Variants in ARHGAP42 observed in about 807,000 individuals in gnomAD.
ARHGAP42 encodes the protein rho GTPase-activating protein 42.
Under a neutral mutation model 125.0 loss-of-function variants are expected in ARHGAP42, and 63 were observed. That is an observed-to-expected ratio of 0.50 (90% CI 0.41 to 0.62). The LOEUF is 0.62. Ranked by LOEUF, ARHGAP42 falls within the 20% of genes least tolerant of loss-of-function variation. ARHGAP42 has a pLI of 0.00. For synonymous variants in ARHGAP42, 339 were observed against 351.0 expected (o/e 0.97, Z 0.38); for missense variants, 766 against 1,024.2 (o/e 0.75, Z 3.44).
At chr11:100,723,093 G>A (rs751214332) in intron 1 of ARHGAP42, among the ~76,000 whole-genome samples, 4 of 152,026 alleles carry the variant, frequency 2.6e-5, no homozygotes, top group Non-Finnish European at 4.4e-5. Flanking sequence ...CTCCTTTGTC[G>A]AAGATCAGTT....
chr11:100,784,662 T>G (rs993632092), intron 2 of ARHGAP42, among the ~76,000 whole-genome samples: 2 of 151,262 alleles, frequency 1.3e-5, no homozygotes, highest in Non-Finnish European at 2.9e-5. Flanking sequence ...AAACTTGAGA[T>G]TCAAAAAAAA....
Position 100,974,616 on chromosome 11 carries a change from G to T in ARHGAP42, c.1855+13G>T, listed in dbSNP as rs201551423. 2.6e-6 allele frequency: 4 copies of T among 1,536,788 alleles called. No homozygotes were observed. In the South Asian group the frequency reaches 3.6e-5, roughly 14 times the overall value. On this transcript the variant is annotated intron_variant, in intron 19 of 23. Transcript: ENST00000298815. ...GCCGAACCTGATAGTAAGTGCACCC[G>T]GCCTTAGGGAGATGCTTTCTTCATT...
chr11:100,970,001 T>G lies in ARHGAP42; in HGVS notation c.1551-3174T>G, dbSNP rs151028504. 1.1e-3 allele frequency among the ~76,000 whole-genome samples: 163 copies of G among 152,214 alleles called. 2 individuals carry two copies. The East Asian group carries it at 0.026, about 24-fold the overall frequency. On this transcript the variant is annotated intron_variant, in intron 17 of 23. Transcript: ENST00000298815. Reference sequence around the variant, plus strand: ...GCTTGTTTGTTTAGTGTCTTTTTTTTTTGTTGAGACAGAGTCTCACTCTGT... The same window carrying G: ...GCTTGTTTGTTTAGTGTCTTTTTTTGTTGTTGAGACAGAGTCTCACTCTGT...
At chr11:100,967,736 A>G (rs966006330) in intron 17 of ARHGAP42, among the ~76,000 whole-genome samples, 1 of 151,804 alleles carries the variant, frequency 6.6e-6, no homozygotes, top group African/African-American at 2.4e-5. Context: ...TTTTTTTGAG[A>G]CAGAGTCTCG....
chr11:100,801,671 T>C (rs566334473), intron 3 of ARHGAP42, among the ~76,000 whole-genome samples: 1 of 152,338 alleles, frequency 6.6e-6, no homozygotes, highest in African/African-American at 2.4e-5. Context: ...ATGCATAGTT[T>C]TAATGCAACA....
intron 1 of ARHGAP42, among the ~76,000 whole-genome samples, chr11:100,703,983 A>C (rs958720228): frequency 1.3e-5 from 2 of 152,162 alleles, no homozygotes; most frequent in Non-Finnish European, 2.9e-5. Context: ...TGAAGGTGAG[A>C]TCATCCAGGC....
At chr11:100,802,785 A>G (rs1397544577) in intron 3 of ARHGAP42, among the ~76,000 whole-genome samples, 2 of 151,736 alleles carry the variant, frequency 1.3e-5, no homozygotes, top group Admixed American at 6.6e-5. Flanking sequence ...GTTTCTTTCT[A>G]TTCCTCTTTG....
chr11:100,875,764 G>GGC (rs1385055389), intron 4 of ARHGAP42, among the ~76,000 whole-genome samples: 2 of 152,048 alleles, frequency 1.3e-5, no homozygotes, highest in African/African-American at 4.8e-5. Flanking sequence ...AGGGTGGCGG[G>GGC]GGGTGACTGG....
intron 12 of ARHGAP42, among the ~76,000 whole-genome samples, chr11:100,952,784 G>C (rs1170311918): frequency 1.5e-5 from 2 of 137,278 alleles, no homozygotes; most frequent in African/African-American, 5.5e-5. Context: ...CTCAAGTGCA[G>C]TGGCAAGATC....
chr11:100,765,970 C>T (rs1862819404), intron 1 of ARHGAP42, among the ~76,000 whole-genome samples: 1 of 152,124 alleles, frequency 6.6e-6, no homozygotes, highest in Admixed American at 6.5e-5. Context: ...GACCTCAGTT[C>T]TTAAGTCTAT....
At chr11:100,935,939 C>T (rs547887565) in intron 7 of ARHGAP42, among the ~76,000 whole-genome samples, 2 of 152,040 alleles carry the variant, frequency 1.3e-5, no homozygotes, top group Non-Finnish European at 2.9e-5. Context: ...TGAGACCAGC[C>T]TGGGAAACAT....
At chr11:100,881,309 C>G (rs1865956508) in intron 4 of ARHGAP42, among the ~76,000 whole-genome samples, 1 of 152,100 alleles carries the variant, frequency 6.6e-6, no homozygotes, top group Non-Finnish European at 1.5e-5. Context: ...TTGCTAATTA[C>G]CCCAGCATCA....
At chr11:100,884,991 G>T (rs1866054358) in intron 4 of ARHGAP42, among the ~76,000 whole-genome samples, 1 of 152,090 alleles carries the variant, frequency 6.6e-6, no homozygotes, top group Non-Finnish European at 1.5e-5. Context: ...ACTAACCTCA[G>T]AACACCTTTT....
At chr11:100,743,502 C>T (rs1862232545) in intron 1 of ARHGAP42, among the ~76,000 whole-genome samples, 1 of 152,116 alleles carries the variant, frequency 6.6e-6, no homozygotes, top group South Asian at 2.1e-4. Flanking sequence ...AGAATGCTTT[C>T]CTTCACATTG....
intron 1 of ARHGAP42, among the ~76,000 whole-genome samples, chr11:100,753,646 G>C (rs1004853966): frequency 1.3e-5 from 2 of 152,212 alleles, no homozygotes; most frequent in Admixed American, 6.5e-5. Context: ...TTAGAATCAG[G>C]AATGGTTTCC....
chr11:100,745,929 T>C (rs1290572957), intron 1 of ARHGAP42, among the ~76,000 whole-genome samples: 1 of 152,232 alleles, frequency 6.6e-6, no homozygotes, highest in African/African-American at 2.4e-5. Flanking sequence ...TAAATTGATA[T>C]GGTATTCCCC....
intron 4 of ARHGAP42, among the ~76,000 whole-genome samples, chr11:100,906,517 C>A (rs934200045): frequency 2.6e-5 from 4 of 151,754 alleles, no homozygotes; most frequent in Admixed American, 2.6e-4. Context: ...TGATGACATG[C>A]CTTTTGTTTA....
At chr11:100,809,457 C>A (rs1439232228) in intron 3 of ARHGAP42, among the ~76,000 whole-genome samples, 1 of 152,100 alleles carries the variant, frequency 6.6e-6, no homozygotes, top group Non-Finnish European at 1.5e-5. Flanking sequence ...ATGGCAATGA[C>A]CTTGAGAAAT....
intron 4 of ARHGAP42, among the ~76,000 whole-genome samples, chr11:100,868,902 A>G (rs900695436): frequency 1.3e-5 from 2 of 152,174 alleles, no homozygotes; most frequent in Non-Finnish European, 2.9e-5. Flanking sequence ...TCTTCCACAT[A>G]GTAAGTACTA....
Sources: allele counts gnomAD v4.1 joint callset (sites outside exome capture counted in the v4.1 genomes callset), GRCh38; gene constraint gnomAD v4.1.1; transcripts MANE v1.5; gene names NCBI Gene and HGNC (gene_info 2026-07-23, HGNC 2026-07-21).